PRKN: variants seen among roughly 807,000 people sequenced by gnomAD.
The protein encoded by PRKN is E3 ubiquitin-protein ligase parkin.
A neutral mutation model predicts 59.5 loss-of-function variants in PRKN; 56 were observed. That is an observed-to-expected ratio of 0.94 (90% CI 0.76 to 1.18). The LOEUF is 1.18. Ranked by LOEUF, PRKN falls within the 50% of genes most tolerant of loss-of-function variation. PRKN has a pLI of 0.00. For synonymous variants in PRKN, 250 were observed against 222.1 expected (o/e 1.13, Z -1.12); for missense variants, 657 against 596.4 (o/e 1.10, Z -1.06).
At chr6:162,378,458 C>G (rs536396004) in intron 2 of PRKN, among the ~76,000 whole-genome samples, 1 of 152,364 alleles carries the variant, frequency 6.6e-6, no homozygotes, top group African/African-American at 2.4e-5. Context: ...TGAACACCCA[C>G]AGGCCAACGG....
intron 4 of PRKN, among the ~76,000 whole-genome samples, chr6:162,161,355 A>G (rs77985157): frequency 0.012 from 1,883 of 152,328 alleles, 45 homozygotes; most frequent in African/African-American, 0.042. Flanking sequence ...CACTTAATAC[A>G]GGCAGAATCT....
At chr6:162,708,852 T>C (rs1385076028) in intron 1 of PRKN, among the ~76,000 whole-genome samples, 2 of 152,092 alleles carry the variant, frequency 1.3e-5, no homozygotes, top group Non-Finnish European at 2.9e-5. Context: ...CGTGGCCTGT[T>C]AGGAACTGGG....
chr6:161,367,470 CTTTT>C (rs77405672), intron 10 of PRKN, among the ~76,000 whole-genome samples: 1 of 138,364 alleles, frequency 7.2e-6, no homozygotes, highest in African/African-American at 2.6e-5. Context: ...TGTGTCTTTT[CTTTT>C]TTTTTTTTTT....
At chr6:161,917,107 T>C (rs963734170) in intron 6 of PRKN, among the ~76,000 whole-genome samples, 8 of 152,012 alleles carry the variant, frequency 5.3e-5, no homozygotes, top group Non-Finnish European at 8.8e-5. Flanking sequence ...CAGCCTAATT[T>C]TTCTTTTTCT....
rs1489468173 is a variant in PRKN at position 162,497,949 on chromosome 6, T to C, written c.8-54476A>G. On this transcript the variant is annotated intron_variant, in intron 1 of 11. Coordinates refer to ENST00000366898, the MANE Select transcript of PRKN (RefSeq NM_004562.3). ...AAGAAATTATAAATGTTTGAAGTGG[T>C]GGATATTCTAAATGCCCTGATTTGG... 2.6e-5 allele frequency among the ~76,000 whole-genome samples: 4 copies of C among 152,182 alleles called. No homozygotes were observed. In the East Asian group the frequency reaches 5.8e-4, roughly 22 times the overall value.
intron 9 of PRKN, among the ~76,000 whole-genome samples, chr6:161,514,289 G>A (rs1482028837): frequency 6.6e-6 from 1 of 152,088 alleles, no homozygotes; most frequent in African/African-American, 2.4e-5. Flanking sequence ...TCTTTAGGCA[G>A]GTTGCACAGA....
rs979949789 is a variant in PRKN, at chr6:161,503,291, A to G, written c.1083+45563T>C. 2.6e-5 allele frequency among the ~76,000 whole-genome samples: 4 copies of G among 152,120 alleles called. No individual in the cohort carries two copies. Among genetic ancestry groups the G allele is most frequent in the Admixed American group, 1.3e-4 (2 of 15,260 alleles). On this transcript the variant is annotated intron_variant, in intron 9 of 11. Coordinates refer to ENST00000366898, the MANE Select transcript of PRKN (RefSeq NM_004562.3). This position sits in a 1 kb window ranked among gnomAD's most constrained non-coding sequence, Gnocchi z 5.1. ...TGAATTTATGGCTGTCATTCTGAAGATTTTAATCTTGTCTGAACAAGTCAT... is the reference window on the plus strand; with the variant it reads ...TGAATTTATGGCTGTCATTCTGAAGGTTTTAATCTTGTCTGAACAAGTCAT...
At chr6:162,098,849 G>A (rs900009932) in intron 4 of PRKN, among the ~76,000 whole-genome samples, 1 of 152,146 alleles carries the variant, frequency 6.6e-6, no homozygotes, top group Admixed American at 6.6e-5. Context: ...AGAGAATGGT[G>A]TTTCCCTATC....
In PRKN at chr6:161,578,350, A is replaced by C. The variant is rs1323927468; in HGVS notation, c.872-8934T>G. 1.3e-5 allele frequency among the ~76,000 whole-genome samples: 2 copies of C among 152,164 alleles called. No individual in the cohort carries two copies. Among genetic ancestry groups the C allele is most frequent in the Non-Finnish European group, 2.9e-5 (2 of 68,028 alleles). On this transcript the variant is annotated intron_variant, in intron 7 of 11. Coordinates refer to ENST00000366898, the MANE Select transcript of PRKN (RefSeq NM_004562.3). The surrounding 1 kb of genome is among the most constrained non-coding windows in gnomAD (Gnocchi z 4.2). ...AGATAAGCTTGTAAAGCAATAAATA[A>C]CTTCACTGTTTGCTTCAAGAAACTC...
At chr6:162,379,888 T>C (rs916655803) in intron 2 of PRKN, among the ~76,000 whole-genome samples, 6 of 152,180 alleles carry the variant, frequency 3.9e-5, no homozygotes, top group South Asian at 2.1e-4. Context: ...AGGTAGCTGA[T>C]GAACATGCCG....
intron 5 of PRKN, among the ~76,000 whole-genome samples, chr6:161,992,194 T>C (rs1444491405): frequency 6.6e-6 from 1 of 151,600 alleles, no homozygotes; most frequent in East Asian, 2.0e-4. Flanking sequence ...CAAAAATTAG[T>C]TGAGTGGGGT....
intron 3 of PRKN, among the ~76,000 whole-genome samples, chr6:162,205,701 A>C (rs1457082729): frequency 6.6e-6 from 1 of 152,146 alleles, no homozygotes; most frequent in Non-Finnish European, 1.5e-5. Context: ...GCAATGATGA[A>C]AATGTTCTCC....
intron 4 of PRKN, among the ~76,000 whole-genome samples, chr6:162,098,960 G>A (rs1451527785): frequency 1.3e-5 from 2 of 152,214 alleles, no homozygotes; most frequent in East Asian, 1.9e-4. Context: ...TCTGGAGTCC[G>A]TTACACTTGA....
intron 6 of PRKN, among the ~76,000 whole-genome samples, chr6:161,888,912 C>T (rs1562367459): frequency 6.6e-6 from 1 of 152,150 alleles, no homozygotes; most frequent in Non-Finnish European, 1.5e-5. Context: ...GACAAAGTCT[C>T]TCCCAAACAT....
chr6:162,238,051 A>G (rs1375276187), intron 3 of PRKN, among the ~76,000 whole-genome samples: 1 of 152,204 alleles, frequency 6.6e-6, no homozygotes, highest in East Asian at 1.9e-4. Flanking sequence ...AGCAAAATGA[A>G]TGAGTTGTTA....
At chr6:161,830,380 G>T (rs1235922864) in intron 6 of PRKN, among the ~76,000 whole-genome samples, 3 of 151,920 alleles carry the variant, frequency 2.0e-5, no homozygotes, top group African/African-American at 7.3e-5. Flanking sequence ...GCCTCCCGAG[G>T]AGCTGGGACT....
At chr6:161,452,816 C>T (rs1022910316) in intron 9 of PRKN, among the ~76,000 whole-genome samples, 1 of 152,032 alleles carries the variant, frequency 6.6e-6, no homozygotes, top group Non-Finnish European at 1.5e-5. Flanking sequence ...CCATAACCCA[C>T]AGGCGAGGGG....
intron 2 of PRKN, among the ~76,000 whole-genome samples, chr6:162,288,315 C>T (rs1356215771): frequency 1.3e-5 from 2 of 152,150 alleles, no homozygotes; most frequent in African/African-American, 4.8e-5. Flanking sequence ...ACTCCCTGAT[C>T]TGTGTATCTG....
intron 9 of PRKN, among the ~76,000 whole-genome samples, chr6:161,532,799 A>T (rs1291597109): frequency 6.6e-6 from 1 of 152,204 alleles, no homozygotes; most frequent in Non-Finnish European, 1.5e-5. Context: ...TGAGTCAAGA[A>T]GGGTGGCTGT....
Sources: gnomAD v4.1 joint callset for allele counts (sites outside exome capture counted in the v4.1 genomes callset) on GRCh38, gnomAD v4.1.1 for gene constraint, Gnocchi (gnomAD v3.1) non-coding constraint, MANE v1.5 for transcripts, NCBI Gene and HGNC (gene_info 2026-07-23, HGNC 2026-07-21) for gene names.